Variants in NLN observed in about 807,000 individuals in gnomAD.
NLN encodes the protein neurolysin, also known as neurolysin, mitochondrial.
NLN carries 64 observed loss-of-function variants against 79.9 expected under a neutral mutation model. The ratio of observed to expected loss-of-function variants is 0.80; its 90% confidence interval spans 0.65 to 0.99. The LOEUF (loss-of-function observed/expected upper bound fraction) is 0.99, where lower values mean the gene tolerates loss of function less well. Ranked by LOEUF, NLN falls within the 50% of genes least tolerant of loss-of-function variation. The probability of loss-of-function intolerance (pLI) is 0.00; values close to 1 mark genes in which losing one functional copy is unlikely to be tolerated. For synonymous variants in NLN, 267 were observed against 296.6 expected, an observed-to-expected ratio of 0.90 and a Z score of 1.02; for missense variants, 835 against 858.7, an observed-to-expected ratio of 0.97 and a Z score of 0.34.
At chr5:65,756,162 G>A (rs1295115826) in intron 1 of NLN, among the ~76,000 whole-genome samples, 1 of 152,082 alleles carries the variant, frequency 6.6e-6, no homozygotes. Context: ...TTCTCCCTCA[G>A]TGATCATATT....
chr5:65,821,251 G>A (rs1760790173), intron 12 of NLN, among the ~76,000 whole-genome samples: 1 of 152,064 alleles, frequency 6.6e-6, no homozygotes, highest in East Asian at 1.9e-4. Context: ...AGACTGCTGT[G>A]TACCTTTTTA....
Position 65,758,742 on chromosome 5 carries a change from G to C in NLN, c.217G>C (p.Asp73His). The C allele has an allele frequency of 6.2e-7, 1 of 1,613,398 alleles. No homozygotes were observed. Among genetic ancestry groups the C allele is most frequent in the Non-Finnish European group, 8.5e-7 (1 of 1,179,402 alleles). ...ELIVQTKQVY[D>H]AVGMLGIEEV... is the part of the protein sequence containing the mutation. The stretch of plus-strand genomic sequence containing the variant: ...CATTGTGCAGACCAAACAGGTGTAC[G>C]ATGCTGTTGGAATGCTCGGTATTGA... The change falls in exon 2 of 13, where the codon GAT becomes CAT. Residue 73 changes from aspartate to histidine, a missense_variant. By Grantham distance (81) the Asp-to-His change is moderately conservative. Coordinates refer to ENST00000380985, the MANE Select transcript of NLN (RefSeq NM_020726.5).
chr5:65,819,665 G>A (rs532751915), intron 12 of NLN, among the ~76,000 whole-genome samples: 1 of 152,228 alleles, frequency 6.6e-6, no homozygotes, highest in African/African-American at 2.4e-5. Flanking sequence ...AAAAATTTTA[G>A]CAGTTGTCTT....
chr5:65,792,409 G>T, intron 8 of NLN, 45 bp from the exon 9 acceptor site: 1 of 1,279,120 alleles, frequency 7.8e-7, no homozygotes. Flanking sequence ...GTAGTTGCTA[G>T]AGGAGAATTT....
chr5:65,822,209 C>T (rs1406025961), intron 12 of NLN, among the ~76,000 whole-genome samples: 2 of 152,214 alleles, frequency 1.3e-5, no homozygotes, highest in Non-Finnish European at 2.9e-5. Context: ...CCAAAGAAAA[C>T]TTTCCAAAGG....
In NLN at chr5:65,723,730, G is replaced by A. The variant is rs1235337275; in HGVS notation, c.41+1316G>A. 2.7e-5 allele frequency among the ~76,000 whole-genome samples: 4 copies of A among 148,800 alleles called. No individual in the cohort carries two copies. The East Asian group carries it at 7.9e-4, about 29-fold the overall frequency. On this transcript the variant is annotated intron_variant, in intron 1 of 12. Coordinates refer to ENST00000380985, the MANE Select transcript of NLN (RefSeq NM_020726.5). ...CTCGGGAGGCTGAGGCAGGAGAATG[G>A]CATGAACCCGGGAGGCGAAGCTTGC...
At position 65,788,408 on chromosome 5, in the gene NLN, A is replaced by G. The variant is rs2289884; in HGVS notation, c.1249A>G (p.Ser417Gly). 361 of 1,613,984 alleles carry G rather than the reference A, an allele frequency of 2.2e-4. 5 individuals are homozygous for G. In the East Asian group the frequency reaches 8.0e-3, roughly 36 times the overall value. ...QMTDAHVWNK[S>G]VTLYTVKDKA... Reference sequence around the variant, plus strand: ...GACAGATGCTCATGTTTGGAACAAGAGTGTTACACTTTATACTGTGAAGGA... The same window carrying G: ...GACAGATGCTCATGTTTGGAACAAGGGTGTTACACTTTATACTGTGAAGGA... Residue 417 changes from serine (S) to glycine (G), a missense_variant, in exon 8 of 13, where the codon AGT (serine) becomes GGT (glycine). Coordinates refer to ENST00000380985, the MANE Select transcript of NLN (RefSeq NM_020726.5).
At chr5:65,758,877 AT>A in intron 2 of NLN, 51 bp downstream of exon 2, 1 of 1,510,172 alleles carries the variant, frequency 6.6e-7, no homozygotes, top group Non-Finnish European at 9.1e-7. Context: ...GACATCTTAA[AT>A]CATTTCATGC....
chr5:65,728,520 C>A (rs927912370), intron 1 of NLN, among the ~76,000 whole-genome samples: 4 of 152,224 alleles, frequency 2.6e-5, no homozygotes, highest in Admixed American at 2.0e-4. Context: ...GTCTTTGGTA[C>A]TTATCATCTT....
At chr5:65,736,364 C>T (rs10068333) in intron 1 of NLN, among the ~76,000 whole-genome samples, 36,013 of 152,082 alleles carry the variant, frequency 0.24, 4,402 homozygotes, top group African/African-American at 0.27. Flanking sequence ...CTTGATATTA[C>T]AAGCAATATT....
chr5:65,743,375 G>A (rs986755468), intron 1 of NLN, among the ~76,000 whole-genome samples: 4 of 152,142 alleles, frequency 2.6e-5, no homozygotes, highest in African/African-American at 9.7e-5. Flanking sequence ...AGAACAAATA[G>A]TTAACCGACA....
intron 1 of NLN, among the ~76,000 whole-genome samples, chr5:65,743,936 G>A (rs913520194): frequency 6.6e-6 from 1 of 152,168 alleles, no homozygotes; most frequent in Admixed American, 6.5e-5. Context: ...GACTCAGCCA[G>A]TTTAGAAGTT....
Position 65,762,994 on chromosome 5 carries a change from A to G in NLN, c.336A>G (p.Val112=), listed in dbSNP as rs1194674569. Residue 112 remains valine, a synonymous_variant, in exon 3 of 13, where the codon GTA becomes GTG. Coordinates refer to ENST00000380985, the MANE Select transcript of NLN (RefSeq NM_020726.5). ...ERTMLDFPQH[V]SSDKEVRAAS... is the part of the protein sequence containing the mutation. The stretch of plus-strand genomic sequence containing the variant: ...CCATGCTAGACTTTCCCCAGCATGT[A>G]TCCTCTGACAAAGAAGTACGAGCAG... 2.5e-6 allele frequency: 4 copies of G among 1,613,954 alleles called. No homozygotes were observed. Among genetic ancestry groups the G allele is most frequent in the Non-Finnish European group, 3.4e-6 (4 of 1,179,956 alleles).
At chr5:65,738,237 G>A (rs942926730) in intron 1 of NLN, among the ~76,000 whole-genome samples, 2 of 152,058 alleles carry the variant, frequency 1.3e-5, no homozygotes, top group Non-Finnish European at 2.9e-5. Context: ...GTACCACAGA[G>A]TGGAGAGATT....
At chr5:65,747,904 C>CA (rs984433157) in intron 1 of NLN, among the ~76,000 whole-genome samples, 4 of 148,474 alleles carry the variant, frequency 2.7e-5, no homozygotes, top group African/African-American at 9.7e-5. Flanking sequence ...TGGAGCCTGC[C>CA]AAAGTACAGC....
At chr5:65,805,967 A>T (rs574885451) in intron 9 of NLN, among the ~76,000 whole-genome samples, 16 of 152,242 alleles carry the variant, frequency 1.1e-4, no homozygotes, top group Non-Finnish European at 2.1e-4. Flanking sequence ...CTTAAGAATT[A>T]TGCTGAATCC....
chr5:65,800,548 G>A (rs1011532263), intron 9 of NLN, among the ~76,000 whole-genome samples: 3 of 152,024 alleles, frequency 2.0e-5, no homozygotes, highest in East Asian at 1.9e-4. Flanking sequence ...GGTGGCGGGC[G>A]CCTGTAGCCC....
At position 65,762,289 on chromosome 5, in the gene NLN, T is replaced by C. The variant is rs143917049; in HGVS notation, c.302-671T>C. ...GGTCCGTTGCTTTGATTAGATTTTCTATGGAGTCTTTATCTTTTTATGTAC... is the reference window on the plus strand; with the variant it reads ...GGTCCGTTGCTTTGATTAGATTTTCCATGGAGTCTTTATCTTTTTATGTAC... On this transcript the variant is annotated intron_variant, in intron 2 of 12. Transcript: ENST00000380985. Among the ~76,000 whole-genome samples, 268 of 152,312 alleles carry C rather than the reference T, an allele frequency of 1.8e-3. 2 individuals are homozygous for C. Among genetic ancestry groups the C allele is most frequent in the African/African-American group, 6.3e-3 (262 of 41,568 alleles).
intron 4 of NLN, among the ~76,000 whole-genome samples, chr5:65,777,873 T>C (rs920320298): frequency 1.3e-5 from 2 of 152,192 alleles, no homozygotes; most frequent in African/African-American, 4.8e-5. Context: ...TGTAATACAA[T>C]GTATTTTGTA....
Sources: allele counts gnomAD v4.1 joint callset (sites outside exome capture counted in the v4.1 genomes callset), GRCh38; gene constraint gnomAD v4.1.1; transcripts MANE v1.5; gene names NCBI Gene and HGNC (gene_info 2026-07-23, HGNC 2026-07-21).